Variants in PADI3 observed in about 807,000 individuals in gnomAD.
The protein encoded by PADI3 is protein-arginine deiminase type-3.
In PADI3, 53 loss-of-function variants were observed where a neutral mutation model predicts 71.5. That is an observed-to-expected ratio of 0.74 (90% CI 0.59 to 0.93). PADI3 has a LOEUF of 0.93. Ranked by LOEUF, PADI3 falls within the 40% of genes least tolerant of loss-of-function variation. PADI3 has a pLI of 0.00. For missense variants in PADI3, 821 were observed against 868.0 expected (o/e 0.95, Z 0.68); for synonymous variants, 361 against 347.5 (o/e 1.04, Z -0.43).
intron 2 of PADI3, among the ~76,000 whole-genome samples, chr1:17,260,707 A>G (rs1418085927): frequency 6.6e-6 from 1 of 152,156 alleles, no homozygotes; most frequent in African/African-American, 2.4e-5. Flanking sequence ...GACCCAATGA[A>G]CCCATTTAAT....
In PADI3 at chr1:17,256,847, A is replaced by G. The variant is rs1475724001; in HGVS notation, c.93-2731A>G. 2.0e-5 allele frequency among the ~76,000 whole-genome samples: 3 copies of G among 152,082 alleles called. No homozygotes were observed. The East Asian group carries it at 5.8e-4, about 29-fold the overall frequency. On this transcript the variant is annotated intron_variant, in intron 1 of 15. Coordinates refer to ENST00000375460, the MANE Select transcript of PADI3 (RefSeq NM_016233.2). Reference sequence around the variant, plus strand: ...CAGGAGTTCAAGACCAGTCTGGCCAATATGGTGAAACCCTGTTTCTACTGA... The same window carrying G: ...CAGGAGTTCAAGACCAGTCTGGCCAGTATGGTGAAACCCTGTTTCTACTGA...
Position 17,254,217 on chromosome 1 carries a change from G to C in PADI3, c.92+4988G>C, listed in dbSNP as rs545648208. Among the ~76,000 whole-genome samples the C allele has an allele frequency of 3.4e-4, 52 of 152,224 alleles. 1 individual carries two copies. The South Asian group carries it at 6.6e-3, about 19-fold the overall frequency. Reference sequence around the variant, plus strand: ...CAGCGTCGGCGGATCTGGGATCCTCGCTGACTGGGGAGGGGCAGCTGGAAC... The same window carrying C: ...CAGCGTCGGCGGATCTGGGATCCTCCCTGACTGGGGAGGGGCAGCTGGAAC... On this transcript the variant is annotated intron_variant, in intron 1 of 15. Coordinates refer to ENST00000375460, the MANE Select transcript of PADI3 (RefSeq NM_016233.2).
rs187535513 is a variant in PADI3, at chr1:17,259,157, C to T, written c.93-421C>T. On this transcript the variant is annotated intron_variant, in intron 1 of 15. Transcript: ENST00000375460. ...CAATCTTGGCTCACTGCAACCTCTG[C>T]CTCCTGGGTTCAAGCGATTCTCCTG... Among the ~76,000 whole-genome samples, 271 of 152,326 alleles carry T rather than the reference C, an allele frequency of 1.8e-3. 2 individuals carry two copies. Among genetic ancestry groups the T allele is most frequent in the Admixed American group, 0.015 (227 of 15,306 alleles).
rs766056244 is a variant in PADI3 at position 17,276,917 on chromosome 1, C to T, written c.1555+41C>T. 48 of 1,522,880 alleles carry T rather than the reference C, an allele frequency of 3.2e-5. No individual in the cohort carries two copies. In the South Asian group the frequency reaches 5.6e-4, roughly 18 times the overall value. The allele number at this position is 1,522,880 out of a possible 1,614,324, so 94.3% of individuals were successfully genotyped here. On this transcript the variant is annotated intron_variant, in intron 13 of 15. Transcript: ENST00000375460. ...GTGTCCCTCCTTGCGGCTTGCCTGC[C>T]CCTTACCCAAATTAAGACACATCAT...
At chr1:17,268,082 G>C in intron 6 of PADI3, 120 bp downstream of exon 6, 1 of 1,171,888 alleles carries the variant, frequency 8.5e-7, no homozygotes, top group Non-Finnish European at 1.2e-6. Context: ...GAGATGCCCT[G>C]GTGGGTGGCG....
In PADI3 at chr1:17,276,838, G is replaced by A; in HGVS notation, c.1517G>A (p.Cys506Tyr). 6.2e-7 allele frequency: 1 copy of A among 1,613,548 alleles called. No individual in the cohort carries two copies. The highest frequency in any genetic ancestry group is 2.2e-5 in the East Asian group (1 of 44,878). ...CFKLFQEKQK[C>Y]GHGRALLFQG... ...AAGCTCTTCCAGGAAAAGCAGAAGT[G>A]TGGCCACGGGAGGGCCCTCCTGTTC... Residue 506 changes from cysteine (C) to tyrosine (Y), a missense_variant, in exon 13 of 16, where the codon TGT becomes TAT. Coordinates refer to ENST00000375460, the MANE Select transcript of PADI3 (RefSeq NM_016233.2).
At position 17,265,656 on chromosome 1, in the gene PADI3, C is replaced by T; in HGVS notation, c.347-3C>T. 1 of 1,614,034 alleles carries T rather than the reference C, an allele frequency of 6.2e-7. No individual in the cohort carries two copies. The highest frequency in any genetic ancestry group is 1.1e-5 in the South Asian group (1 of 91,076). On this transcript the variant is annotated splice_region_variant and splice_polypyrimidine_tract_variant and intron_variant, in intron 3 of 15. Coordinates refer to ENST00000375460, the MANE Select transcript of PADI3 (RefSeq NM_016233.2). Reference sequence around the variant, plus strand: ...GTGACTTACCCTCTGCCTCCTCTTGCAGACATCTCTCTGGATTGCGACCTG... The same window carrying T: ...GTGACTTACCCTCTGCCTCCTCTTGTAGACATCTCTCTGGATTGCGACCTG...
At chr1:17,267,499 G>A (rs1302608278) in intron 5 of PADI3, among the ~76,000 whole-genome samples, 1 of 152,140 alleles carries the variant, frequency 6.6e-6, no homozygotes, top group East Asian at 1.9e-4. Context: ...CTTGTCCAGG[G>A]TCACAGGGAG....
chr1:17,281,935 C>G (rs2073406092), intron 15 of PADI3, among the ~76,000 whole-genome samples: 1 of 152,184 alleles, frequency 6.6e-6, no homozygotes, highest in African/African-American at 2.4e-5. Context: ...ATAGGTCACC[C>G]AGCTCCCCTC....
At chr1:17,254,851 G>A (rs2073009293) in intron 1 of PADI3, among the ~76,000 whole-genome samples, 1 of 152,008 alleles carries the variant, frequency 6.6e-6, no homozygotes, top group Non-Finnish European at 1.5e-5. Flanking sequence ...CTAGTAGCCG[G>A]GATTACAGGC....
In PADI3 at chr1:17,277,980, G is replaced by T. The variant is rs540043549; in HGVS notation, c.1555+1104G>T. On this transcript the variant is annotated intron_variant, in intron 13 of 15. Transcript: ENST00000375460. ...CCCCGTTCCAGGGCACAGCATGTGG[G>T]TCTCATAGCAGAGGCATGCCCAAGC... 3.0e-4 allele frequency: 47 copies of T among 154,482 alleles called. No individual in the cohort carries two copies. The South Asian group carries it at 4.3e-3, about 14-fold the overall frequency. The allele number at this position is 154,482 out of a possible 1,614,324, so 9.6% of individuals were successfully genotyped here.
At chr1:17,271,855 AGAGAG>A (rs1327977200) in intron 9 of PADI3, among the ~76,000 whole-genome samples, 3 of 119,240 alleles carry the variant, frequency 2.5e-5, no homozygotes, top group South Asian at 3.0e-4. Context: ...AAAAAAAAAA[AGAGAG>A]AGAGAGAGAG....
chr1:17,253,191 G>A (rs1481700946), intron 1 of PADI3, among the ~76,000 whole-genome samples: 1 of 152,180 alleles, frequency 6.6e-6, no homozygotes, highest in Non-Finnish European at 1.5e-5. Context: ...GGCTTGTGGC[G>A]CCTCTGTGCT....
chr1:17,251,902 T>C (rs1455805575), intron 1 of PADI3, among the ~76,000 whole-genome samples: 2 of 151,670 alleles, frequency 1.3e-5, no homozygotes, highest in African/African-American at 4.8e-5. Flanking sequence ...GGAGAAGGAG[T>C]TGAGAAAAGA....
intron 2 of PADI3, among the ~76,000 whole-genome samples, chr1:17,261,844 T>G (rs1049870872): frequency 6.6e-6 from 1 of 152,164 alleles, no homozygotes; most frequent in East Asian, 1.9e-4. Context: ...AACCCTTTAT[T>G]TTACAAATGG....
intron 15 of PADI3, among the ~76,000 whole-genome samples, chr1:17,281,990 A>G (rs1486368439): frequency 1.3e-5 from 2 of 152,006 alleles, no homozygotes; most frequent in East Asian, 1.9e-4. Flanking sequence ...CAATTTGCCC[A>G]TTGTCAGAGC....
At chr1:17,272,914 T>C (rs1164311047) in intron 9 of PADI3, among the ~76,000 whole-genome samples, 2 of 151,970 alleles carry the variant, frequency 1.3e-5, no homozygotes, top group African/African-American at 4.8e-5. Context: ...TTATAAAGAG[T>C]TTAGGGCAGG....
In PADI3 at chr1:17,249,128, C is replaced by G; in HGVS notation, c.-10C>G. ...TGGGGTTGGCGGCCACAGCTAAGTC[C>G]AACACCAGCATGTCGCTGCAGAGAA... is the stretch of plus-strand genomic sequence containing the variant. On this transcript the variant is annotated 5_prime_UTR_variant, in exon 1 of 16. Coordinates refer to ENST00000375460, the MANE Select transcript of PADI3 (RefSeq NM_016233.2). 1 of 1,613,578 alleles carries G rather than the reference C, an allele frequency of 6.2e-7. No homozygotes were observed. Among genetic ancestry groups the G allele is most frequent in the South Asian group, 1.1e-5 (1 of 91,076 alleles).
intron 13 of PADI3, among the ~76,000 whole-genome samples, chr1:17,278,385 G>A (rs1400205561): frequency 3.3e-5 from 5 of 151,938 alleles, no homozygotes; most frequent in African/African-American, 9.7e-5. Flanking sequence ...GCACCACCAC[G>A]CCTGGCTAAT....
Sources: gnomAD v4.1 joint callset for allele counts (sites outside exome capture counted in the v4.1 genomes callset) on GRCh38, gnomAD v4.1.1 for gene constraint, MANE v1.5 for transcripts, NCBI Gene and HGNC (gene_info 2026-07-23, HGNC 2026-07-21) for gene names.